The following NXPH1 variants were observed in gnomAD, a reference collection of about 807,000 sequenced individuals.
NXPH1 encodes neurexophilin 1.
In NXPH1, 5 loss-of-function variants were observed where a neutral mutation model predicts 23.7. The observed-to-expected ratio is 0.21, with a 90% CI of 0.11 to 0.44. The LOEUF (loss-of-function observed/expected upper bound fraction) is 0.44, where lower values mean the gene tolerates loss of function less well. Ranked by LOEUF, NXPH1 falls within the 20% of genes least tolerant of loss-of-function variation. NXPH1 has a pLI of 0.99. For missense variants in NXPH1, 324 were observed against 321.6 expected (o/e 1.01, Z -0.06); for synonymous variants, 144 against 122.2 (o/e 1.18, Z -1.18).
At chr7:8,535,087 C>A (rs1818007210) in intron 2 of NXPH1, among the ~76,000 whole-genome samples, 1 of 152,072 alleles carries the variant, frequency 6.6e-6, no homozygotes, top group Non-Finnish European at 1.5e-5. Context: ...TGATTGACTA[C>A]TATCTTTCCT....
At chr7:8,564,240 A>C (rs1016326724) in intron 2 of NXPH1, among the ~76,000 whole-genome samples, 1 of 151,802 alleles carries the variant, frequency 6.6e-6, no homozygotes, top group African/African-American at 2.4e-5. Flanking sequence ...CCTATAGCAA[A>C]ACAGATTCAA....
rs1584242558 is a variant in NXPH1 at position 8,574,543 on chromosome 7, T to C, written c.54+138776T>C. ...TGTTAACTTCTTTCACATGAGTGCATACCCACAAAAAGGAAGATGGAACCC... is the reference window on the plus strand; with the variant it reads ...TGTTAACTTCTTTCACATGAGTGCACACCCACAAAAAGGAAGATGGAACCC... On this transcript the variant is annotated intron_variant, in intron 2 of 2. Coordinates refer to ENST00000405863, the MANE Select transcript of NXPH1 (RefSeq NM_152745.3). 2.6e-5 allele frequency among the ~76,000 whole-genome samples: 4 copies of C among 152,270 alleles called. No homozygotes were observed. The East Asian group carries it at 7.7e-4, about 29-fold the overall frequency.
Position 8,498,759 on chromosome 7 carries a change from A to C in NXPH1, c.54+62992A>C, listed in dbSNP as rs78723043. ...CCTATTATGAGCAAAGTCCTAGGGG[A>C]AATATCTAATGTGTCCTTGTTCCAA... On this transcript the variant is annotated intron_variant, in intron 2 of 2. Coordinates refer to ENST00000405863, the MANE Select transcript of NXPH1 (RefSeq NM_152745.3). 3.6e-3 allele frequency among the ~76,000 whole-genome samples: 544 copies of C among 152,154 alleles called. 4 individuals are homozygous for C. Among genetic ancestry groups the C allele is most frequent in the African/African-American group, 0.012 (514 of 41,578 alleles).
chr7:8,487,404 G>A (rs892937816), intron 2 of NXPH1, among the ~76,000 whole-genome samples: 1 of 152,142 alleles, frequency 6.6e-6, no homozygotes, highest in Admixed American at 6.6e-5. Context: ...TGTAAGATGT[G>A]ACTTTGCTCC....
chr7:8,472,932 C>T (rs1053420301), intron 2 of NXPH1, among the ~76,000 whole-genome samples: 15 of 152,120 alleles, frequency 9.9e-5, no homozygotes, highest in South Asian at 2.1e-4. Context: ...ATCTCAGTTT[C>T]TCTATAGTCC....
chr7:8,645,903 T>A (rs1820392118), intron 2 of NXPH1, among the ~76,000 whole-genome samples: 1 of 152,108 alleles, frequency 6.6e-6, no homozygotes, highest in Non-Finnish European at 1.5e-5. Context: ...TTCATTTGTC[T>A]CTGTAATCTT....
chr7:8,663,232 C>T (rs1041324931), intron 2 of NXPH1, among the ~76,000 whole-genome samples: 2 of 152,010 alleles, frequency 1.3e-5, no homozygotes, highest in African/African-American at 4.8e-5. Context: ...ACATCAGGGT[C>T]CCCCATCGTT....
chr7:8,494,401 C>T (rs766074846), intron 2 of NXPH1, among the ~76,000 whole-genome samples: 5 of 151,776 alleles, frequency 3.3e-5, no homozygotes, highest in South Asian at 2.1e-4. Context: ...TTTACTGCTG[C>T]GGGAATTAGG....
intron 2 of NXPH1, among the ~76,000 whole-genome samples, chr7:8,539,534 A>C (rs1818078950): frequency 6.6e-6 from 1 of 151,864 alleles, no homozygotes; most frequent in Non-Finnish European, 1.5e-5. Flanking sequence ...TTTTCCTTTT[A>C]AAATGCTTAT....
At chr7:8,750,428 C>G (rs1171363922) in intron 2 of NXPH1, among the ~76,000 whole-genome samples, 2 of 152,156 alleles carry the variant, frequency 1.3e-5, no homozygotes, top group East Asian at 3.8e-4. Context: ...TTGACCCGTT[C>G]TCTAAGTTCC....
chr7:8,594,550 T>C (rs1197588947), intron 2 of NXPH1, among the ~76,000 whole-genome samples: 2 of 152,020 alleles, frequency 1.3e-5, no homozygotes, highest in African/African-American at 4.8e-5. Context: ...TCTCTTTGCT[T>C]GTTTGTGGGA....
At chr7:8,626,673 A>G (rs969205364) in intron 2 of NXPH1, among the ~76,000 whole-genome samples, 1 of 152,028 alleles carries the variant, frequency 6.6e-6, no homozygotes, top group Non-Finnish European at 1.5e-5. Context: ...CACATTCAAC[A>G]TGTTGCATAT....
chr7:8,618,628 C>T (rs145492065), intron 2 of NXPH1, among the ~76,000 whole-genome samples: 487 of 152,194 alleles, frequency 3.2e-3, no homozygotes, highest in African/African-American at 0.011. Flanking sequence ...CACTTGCAAA[C>T]TAGGAGAAGA....
intron 2 of NXPH1, among the ~76,000 whole-genome samples, chr7:8,685,271 A>G (rs1308702621): frequency 6.7e-6 from 1 of 149,414 alleles, no homozygotes; most frequent in African/African-American, 2.5e-5. Flanking sequence ...TTAATTAGGT[A>G]TGTTTGAAGT....
chr7:8,729,658 GTT>G (rs1780115998), intron 2 of NXPH1, among the ~76,000 whole-genome samples: 1 of 143,084 alleles, frequency 7.0e-6, no homozygotes, highest in Non-Finnish European at 1.5e-5. Context: ...TTTTGAGTGA[GTT>G]TCTTAATCCT....
chr7:8,735,498 T>A (rs1300801260), intron 2 of NXPH1, among the ~76,000 whole-genome samples: 1 of 152,202 alleles, frequency 6.6e-6, no homozygotes, highest in South Asian at 2.1e-4. Context: ...GACTTGATCA[T>A]GGTGGATAAG....
At chr7:8,677,929 A>G (rs934489835) in intron 2 of NXPH1, among the ~76,000 whole-genome samples, 3 of 151,946 alleles carry the variant, frequency 2.0e-5, no homozygotes, top group Admixed American at 6.6e-5. Flanking sequence ...GTTTACATAT[A>G]TATAAACATA....
intron 2 of NXPH1, among the ~76,000 whole-genome samples, chr7:8,575,757 C>CTT (rs59938417): frequency 6.8e-6 from 1 of 147,118 alleles, no homozygotes; most frequent in African/African-American, 2.5e-5. Flanking sequence ...GGGCAATGAT[C>CTT]TTTTTTTTTT....
chr7:8,737,557 C>G (rs1050621729), intron 2 of NXPH1, among the ~76,000 whole-genome samples: 16 of 152,216 alleles, frequency 1.1e-4, no homozygotes, highest in African/African-American at 3.9e-4. Context: ...CTCTGGCTGC[C>G]CTTAACATTT....
Sources: gnomAD v4.1 joint callset for allele counts (sites outside exome capture counted in the v4.1 genomes callset) on GRCh38, gnomAD v4.1.1 for gene constraint, MANE v1.5 for transcripts, NCBI Gene and HGNC (gene_info 2026-07-23, HGNC 2026-07-21) for gene names.